SLC71A2: variants seen among roughly 807,000 people sequenced by gnomAD.
SLC71A2 encodes the protein solute carrier family 71 member 2, also known as hippocampus abundant transcript-like 1.
At chr9:94,390,491 G>A in the SLC71A2 span, among the ~76,000 whole-genome samples, 1 of 151,306 alleles carries the variant, frequency 6.6e-6, no homozygotes, top group Non-Finnish European at 1.5e-5. Flanking sequence ...TTTGTTTGGA[G>A]ATGATAGTTG....
chr9:94,453,223 C>T, the SLC71A2 span, among the ~76,000 whole-genome samples: 1 of 149,524 alleles, frequency 6.7e-6, no homozygotes, highest in Non-Finnish European at 1.5e-5. Flanking sequence ...GATTTCGGCT[C>T]ACTGCAACCT....
the SLC71A2 span, among the ~76,000 whole-genome samples, chr9:94,452,624 TATATATATTTTC>T: frequency 0.15 from 21,905 of 141,414 alleles, 1,830 homozygotes; most frequent in African/African-American, 0.22. Context: ...AATATATATA[TATATATATTTTC>T]ATATATATAT....
the SLC71A2 span, among the ~76,000 whole-genome samples, chr9:94,430,443 G>A: frequency 0.1 from 15,771 of 151,594 alleles, 1,464 homozygotes; most frequent in East Asian, 0.35. Flanking sequence ...GGCTGGTCTC[G>A]AACTGCTGAC....
chr9:94,454,007 TC>T, the SLC71A2 span: 1 of 1,614,148 alleles, frequency 6.2e-7, no homozygotes, highest in Non-Finnish European at 8.5e-7. Flanking sequence ...AAGAATACTG[TC>T]CTCCTTGGCT....
At chr9:94,424,135 G>A in the SLC71A2 span, among the ~76,000 whole-genome samples, 2 of 152,106 alleles carry the variant, frequency 1.3e-5, no homozygotes, top group East Asian at 1.9e-4. Flanking sequence ...TGAGACAACC[G>A]TCCATATATG....
At chr9:94,438,638 T>C in the SLC71A2 span, 1 of 1,320,062 alleles carries the variant, frequency 7.6e-7, no homozygotes, top group Non-Finnish European at 1.0e-6. Flanking sequence ...GTGCTTGTGT[T>C]TTCATTTGAT....
the SLC71A2 span, among the ~76,000 whole-genome samples, chr9:94,420,539 G>T: frequency 1.3e-5 from 2 of 151,994 alleles, no homozygotes; most frequent in East Asian, 3.9e-4. Flanking sequence ...ATACTGTCAT[G>T]TCAAATGTGA....
the SLC71A2 span, among the ~76,000 whole-genome samples, chr9:94,405,186 G>C: frequency 1.3e-5 from 2 of 151,812 alleles, no homozygotes; most frequent in Admixed American, 1.3e-4. Flanking sequence ...TTATTTCCAG[G>C]CTTTTAATTT....
At chr9:94,416,236 C>T in the SLC71A2 span, among the ~76,000 whole-genome samples, 5 of 151,976 alleles carry the variant, frequency 3.3e-5, no homozygotes, top group South Asian at 6.2e-4. Flanking sequence ...ATTGATGGGC[C>T]GGGTACAGTA....
chr9:94,445,320 A>G, the SLC71A2 span: 1 of 674,020 alleles, frequency 1.5e-6, no homozygotes, highest in Non-Finnish European at 2.5e-6. Context: ...ATTAATTGCA[A>G]GTAAGGGATT....
chr9:94,455,111 G>A, the SLC71A2 span, among the ~76,000 whole-genome samples: 2 of 140,116 alleles, frequency 1.4e-5, no homozygotes, highest in African/African-American at 5.5e-5. Flanking sequence ...AAGTACATAT[G>A]CCCCTTCTGA....
the SLC71A2 span, among the ~76,000 whole-genome samples, chr9:94,448,937 C>T: frequency 4.6e-5 from 7 of 152,278 alleles, no homozygotes; most frequent in African/African-American, 1.7e-4. Context: ...CCGATCTTTC[C>T]CAGGCATTTC....
At chr9:94,449,814 C>T in the SLC71A2 span, among the ~76,000 whole-genome samples, 1 of 152,202 alleles carries the variant, frequency 6.6e-6, no homozygotes, top group Non-Finnish European at 1.5e-5. Flanking sequence ...AGAATCAACT[C>T]AAATGTCTAT....
At chr9:94,404,829 G>GATATCC in the SLC71A2 span, among the ~76,000 whole-genome samples, 2 of 152,070 alleles carry the variant, frequency 1.3e-5, no homozygotes, top group Non-Finnish European at 2.9e-5. Flanking sequence ...ATATATGAAG[G>GATATCC]TTTTTCATTT....
At chr9:94,405,203 T>G in the SLC71A2 span, among the ~76,000 whole-genome samples, 1 of 152,068 alleles carries the variant, frequency 6.6e-6, no homozygotes, top group Admixed American at 6.6e-5. Context: ...ATTTATTTTT[T>G]TAAAAGACTA....
chr9:94,375,412 A>G, the SLC71A2 span, among the ~76,000 whole-genome samples: 72,723 of 149,748 alleles, frequency 0.49, 17,810 homozygotes, highest in East Asian at 0.61. Flanking sequence ...GCTGGGGACC[A>G]GCCGAGGAGC....
the SLC71A2 span, among the ~76,000 whole-genome samples, chr9:94,446,080 T>C: frequency 1.3e-5 from 2 of 152,204 alleles, no homozygotes; most frequent in Non-Finnish European, 2.9e-5. Context: ...GGCTTACTTT[T>C]CCGGGCAATC....
the SLC71A2 span, among the ~76,000 whole-genome samples, chr9:94,433,700 A>C: frequency 1.3e-5 from 2 of 152,224 alleles, no homozygotes; most frequent in African/African-American, 4.8e-5. Context: ...GCATAAGTAC[A>C]TTTCTAAATA....
At chr9:94,426,027 A>G in the SLC71A2 span, among the ~76,000 whole-genome samples, 3 of 151,718 alleles carry the variant, frequency 2.0e-5, no homozygotes, top group South Asian at 2.1e-4. Context: ...TCTTCAGCCC[A>G]GGTGGAAAGC....
Sources: gnomAD v4.1 joint callset for allele counts (sites outside exome capture counted in the v4.1 genomes callset) on GRCh38, gnomAD v4.1.1 for gene constraint, MANE v1.5 for transcripts, NCBI Gene and HGNC (gene_info 2026-07-23, HGNC 2026-07-21) for gene names.